ESRRB: variants seen among roughly 807,000 people sequenced by gnomAD.
The protein encoded by ESRRB is steroid hormone receptor ERR2.
A neutral mutation model predicts 46.0 loss-of-function variants in ESRRB; 16 were observed. That is an observed-to-expected ratio of 0.35 (90% CI 0.24 to 0.53). The LOEUF (loss-of-function observed/expected upper bound fraction) is 0.53, where lower values mean the gene tolerates loss of function less well. Ranked by LOEUF, ESRRB falls within the 20% of genes least tolerant of loss-of-function variation. The probability of loss-of-function intolerance (pLI) is 0.93; values close to 1 mark genes in which losing one functional copy is unlikely to be tolerated. For synonymous variants in ESRRB, 246 were observed against 259.6 expected (o/e 0.95, Z 0.50); for missense variants, 488 against 607.4 (o/e 0.80, Z 2.07).
upstream of ESRRB, among the ~76,000 whole-genome samples, chr14:76,366,416 A>G (rs57285266): frequency 0.055 from 8,371 of 152,256 alleles, 356 homozygotes; most frequent in East Asian, 0.12. Context: ...GCCTTCAACA[A>G]TGGGAGAACA....
upstream of ESRRB, among the ~76,000 whole-genome samples, chr14:76,372,091 C>T (rs894632363): frequency 4.6e-5 from 7 of 152,074 alleles, no homozygotes; most frequent in African/African-American, 7.3e-5. Context: ...TATATCATGA[C>T]GAGACTGCTC....
chr14:76,414,940 A>C (rs1886634045), intron 1 of ESRRB, among the ~76,000 whole-genome samples: 1 of 152,164 alleles, frequency 6.6e-6, no homozygotes, highest in Admixed American at 6.5e-5. Context: ...GAAGTAAATG[A>C]GCCTCTGAAT....
At chr14:76,477,643 T>G (rs2140022308) in intron 3 of ESRRB, among the ~76,000 whole-genome samples, 1 of 152,324 alleles carries the variant, frequency 6.6e-6, no homozygotes, top group South Asian at 2.1e-4. Flanking sequence ...TTGTGGGCTG[T>G]GCTTAGGGCA....
intron 1 of ESRRB, among the ~76,000 whole-genome samples, chr14:76,383,283 G>A (rs916599223): frequency 6.6e-6 from 1 of 151,904 alleles, no homozygotes. Flanking sequence ...ATTGGCTTGA[G>A]TTCATAAATT....
At chr14:76,351,758 C>T (rs1884315457) in intron 1 of ESRRB, among the ~76,000 whole-genome samples, 1 of 152,132 alleles carries the variant, frequency 6.6e-6, no homozygotes, top group South Asian at 2.1e-4. Context: ...CTTCTCACCT[C>T]TTCTCATAAA....
chr14:76,414,668 T>TAAAAAAAAAAAAAA (rs71452810), intron 1 of ESRRB, among the ~76,000 whole-genome samples: 7 of 116,848 alleles, frequency 6.0e-5, no homozygotes, highest in African/African-American at 2.1e-4. Flanking sequence ...GTTTGTTCCT[T>TAAAAAAAAAAAAAA]AAAAAAAAAA....
chr14:76,323,546 G>A (rs1883893280), intron 1 of ESRRB, among the ~76,000 whole-genome samples: 1 of 152,072 alleles, frequency 6.6e-6, no homozygotes. Context: ...CTGGGCTCAA[G>A]CAATTCTCCC....
At chr14:76,422,547 G>A (rs557215099) in intron 1 of ESRRB, among the ~76,000 whole-genome samples, 1 of 152,226 alleles carries the variant, frequency 6.6e-6, no homozygotes, top group South Asian at 2.1e-4. Flanking sequence ...CAGAGGAGAT[G>A]ACTGAGAACT....
chr14:76,454,862 A>C (rs1440114488), intron 2 of ESRRB, among the ~76,000 whole-genome samples: 2 of 152,230 alleles, frequency 1.3e-5, no homozygotes, highest in Admixed American at 1.3e-4. Context: ...AGAGTATAAA[A>C]GAAACATAAC....
rs948462681 is a variant in ESRRB, at chr14:76,434,488, C to CA, written c.51-4844dup. 1.1e-3 allele frequency among the ~76,000 whole-genome samples: 166 copies of CA among 148,678 alleles called. 2 individuals are homozygous for CA. The highest frequency in any genetic ancestry group is 7.9e-3 in the South Asian group (37 of 4,670). On this transcript the variant is annotated intron_variant, in intron 1 of 6. Transcript: ENST00000644823. ...TAGCATAGCGAACCCCTGTCTCTAC[C>CA]AAAAAAAAACAGAATACAAAAATTA...
At chr14:76,316,251 C>A (rs1838252735) in intron 1 of ESRRB, among the ~76,000 whole-genome samples, 2 of 152,208 alleles carry the variant, frequency 1.3e-5, no homozygotes, top group Non-Finnish European at 2.9e-5. Context: ...TCCTTGTTCC[C>A]ATGCAGGGAC....
chr14:76,500,579 T>C lies in ESRRB; in HGVS notation c.*2121T>C. 1 of 987,348 alleles carries C rather than the reference T, an allele frequency of 1.0e-6. No homozygotes were observed. Among genetic ancestry groups the C allele is most frequent in the South Asian group, 1.3e-5 (1 of 77,712 alleles). 61.2% of individuals were successfully genotyped at this position (987,348 alleles called of 1,614,324 possible). Reference sequence around the variant, plus strand: ...GGACTCCCTCAGTCTCTCACTGTGCTGTGTCCTTGCAGCGGGGCCGAGGTA... The same window carrying C: ...GGACTCCCTCAGTCTCTCACTGTGCCGTGTCCTTGCAGCGGGGCCGAGGTA... On this transcript the variant is annotated 3_prime_UTR_variant, in exon 7 of 7. Coordinates refer to ENST00000644823, the MANE Select transcript of ESRRB (RefSeq NM_001379180.1).
chr14:76,318,932 A>G (rs1487634203), intron 1 of ESRRB, among the ~76,000 whole-genome samples: 11 of 152,174 alleles, frequency 7.2e-5, no homozygotes, highest in Admixed American at 7.2e-4. Context: ...ACAAGCATCT[A>G]CAGGTGGTTT....
chr14:76,494,236 T>C (rs1268463838), intron 6 of ESRRB, among the ~76,000 whole-genome samples: 1 of 152,214 alleles, frequency 6.6e-6, no homozygotes, highest in East Asian at 1.9e-4. Context: ...AATTCCAAAA[T>C]TGTAGTGCAT....
chr14:76,318,544 C>T (rs142106434), intron 1 of ESRRB, among the ~76,000 whole-genome samples: 2 of 152,312 alleles, frequency 1.3e-5, no homozygotes, highest in Non-Finnish European at 2.9e-5. Context: ...GCCTTATCCA[C>T]GTTGTAACAG....
chr14:76,313,060 T>G (rs977533831), intron 1 of ESRRB, among the ~76,000 whole-genome samples: 2 of 152,114 alleles, frequency 1.3e-5, no homozygotes, highest in Admixed American at 1.3e-4. Flanking sequence ...AATATTTTGT[T>G]GGGACATTTA....
chr14:76,484,027 T>C (rs1889909816), intron 5 of ESRRB, among the ~76,000 whole-genome samples: 1 of 152,176 alleles, frequency 6.6e-6, no homozygotes, highest in Non-Finnish European at 1.5e-5. Context: ...CTAATTTTTT[T>C]GTATTTTTAG....
At position 76,376,987 on chromosome 14, in the gene ESRRB, G is replaced by A. The variant is rs1884793830; in HGVS notation, c.50+536G>A. Among the ~76,000 whole-genome samples the A allele has an allele frequency of 6.6e-6, 1 of 152,210 alleles. No homozygotes were observed. Among genetic ancestry groups the A allele is most frequent in the Non-Finnish European group, 1.5e-5 (1 of 68,030 alleles). The stretch of plus-strand genomic sequence containing the variant: ...GTGCCGCTCTCGCCTCGCGGTCTCC[G>A]TGGGGCGCCCCGAGGGTGCGCACGT... On this transcript the variant is annotated intron_variant, in intron 1 of 6. Coordinates refer to ENST00000644823, the MANE Select transcript of ESRRB (RefSeq NM_001379180.1). This position sits in a 1 kb window ranked among gnomAD's most constrained non-coding sequence, Gnocchi z 4.1.
chr14:76,334,766 C>G (rs1233491193), intron 1 of ESRRB, among the ~76,000 whole-genome samples: 1 of 152,188 alleles, frequency 6.6e-6, no homozygotes, highest in Non-Finnish European at 1.5e-5. Flanking sequence ...GGGCCGTCTC[C>G]TTTCCCAAAG....
Sources: allele counts gnomAD v4.1 joint callset (sites outside exome capture counted in the v4.1 genomes callset), GRCh38; gene constraint gnomAD v4.1.1; non-coding constraint Gnocchi (gnomAD v3.1); transcripts MANE v1.5; gene names NCBI Gene and HGNC (gene_info 2026-07-23, HGNC 2026-07-21).